ZNF148: variants seen among roughly 807,000 people sequenced by gnomAD.
The protein encoded by ZNF148 is Beta-Enolase Repressor Factor-1.
ZNF148 carries 7 observed loss-of-function variants against 67.7 expected under a neutral mutation model. The observed-to-expected ratio is 0.10, with a 90% CI of 0.06 to 0.19. The LOEUF (loss-of-function observed/expected upper bound fraction) is 0.19, where lower values mean the gene tolerates loss of function less well. Ranked by LOEUF, ZNF148 falls within the 10% of genes least tolerant of loss-of-function variation. The probability of loss-of-function intolerance (pLI) is 1.00; values close to 1 mark genes in which losing one functional copy is unlikely to be tolerated. For synonymous variants in ZNF148, 333 were observed against 330.7 expected (o/e 1.01, Z -0.08); for missense variants, 583 against 947.1 (o/e 0.62, Z 5.05).
chr3:125,299,926 T>C (rs1939498988), intron 4 of ZNF148, among the ~76,000 whole-genome samples: 1 of 152,222 alleles, frequency 6.6e-6, no homozygotes, highest in Admixed American at 6.5e-5. Flanking sequence ...CTTGTGAAAA[T>C]GATATTCAAA....
intron 2 of ZNF148, among the ~76,000 whole-genome samples, chr3:125,330,573 A>C (rs532373341): frequency 6.6e-6 from 1 of 152,122 alleles, no homozygotes; most frequent in African/African-American, 2.4e-5. Flanking sequence ...CACACCTGTA[A>C]TCCTAGCACT....
In ZNF148 at chr3:125,326,129, C is replaced by T. The variant is rs528925259; in HGVS notation, c.-152-2685G>A. 3.3e-5 allele frequency among the ~76,000 whole-genome samples: 5 copies of T among 152,152 alleles called. No individual in the cohort carries two copies. The East Asian group carries it at 9.6e-4, about 29-fold the overall frequency. ...AAAATTTTTTTTGCTAGTAGACCTGCCTTAAACAAACACTAAAGGAAGCCC... is the reference window on the plus strand; with the variant it reads ...AAAATTTTTTTTGCTAGTAGACCTGTCTTAAACAAACACTAAAGGAAGCCC... On this transcript the variant is annotated intron_variant, in intron 2 of 8. Transcript: ENST00000360647.
intron 2 of ZNF148, among the ~76,000 whole-genome samples, chr3:125,325,311 T>C (rs1308371786): frequency 2.0e-5 from 3 of 151,442 alleles, no homozygotes; most frequent in African/African-American, 4.9e-5. Context: ...CCATCCACTC[T>C]GAAAAACAGA....
At chr3:125,237,971 A>G (rs1638484291) in intron 7 of ZNF148, among the ~76,000 whole-genome samples, 1 of 152,218 alleles carries the variant, frequency 6.6e-6, no homozygotes. Context: ...TCAGAGTCCA[A>G]AAGTAAATCC....
intron 7 of ZNF148, among the ~76,000 whole-genome samples, chr3:125,272,261 G>A (rs1937786291): frequency 6.6e-6 from 1 of 152,218 alleles, no homozygotes; most frequent in Non-Finnish European, 1.5e-5. Flanking sequence ...TCATCAAATT[G>A]TGAGTCACAT....
At chr3:125,241,142 A>C (rs1198301673) in intron 7 of ZNF148, among the ~76,000 whole-genome samples, 4 of 151,996 alleles carry the variant, frequency 2.6e-5, no homozygotes, top group Admixed American at 6.6e-5. Flanking sequence ...TTTGCCACTT[A>C]AGGATCCCTA....
At chr3:125,367,515 A>C (rs1214314016) in intron 1 of ZNF148, among the ~76,000 whole-genome samples, 1 of 152,224 alleles carries the variant, frequency 6.6e-6, no homozygotes, top group Non-Finnish European at 1.5e-5. Context: ...TTGCTAGTGC[A>C]TATAGTTTGG....
chr3:125,347,780 T>G lies in ZNF148; in HGVS notation c.-233-16542A>C, dbSNP rs1579867252. Among the ~76,000 whole-genome samples, 3 of 152,142 alleles carry G rather than the reference T, an allele frequency of 2.0e-5. No individual in the cohort carries two copies. In the East Asian group the frequency reaches 5.8e-4, roughly 29 times the overall value. On this transcript the variant is annotated intron_variant, in intron 1 of 8. Transcript: ENST00000360647. ...TCCTGGGCTCAAAGATCCTCCTATC[T>G]CAGCCTCCCAAACAGCTGAGACTAC...
chr3:125,289,297 C>T (rs773228802), intron 4 of ZNF148, among the ~76,000 whole-genome samples: 1 of 152,028 alleles, frequency 6.6e-6, no homozygotes, highest in Non-Finnish European at 1.5e-5. Flanking sequence ...AAGAGGTTCA[C>T]GAGAAAAAAT....
At chr3:125,345,569 C>T (rs762968659) in intron 1 of ZNF148, among the ~76,000 whole-genome samples, 17 of 127,744 alleles carry the variant, frequency 1.3e-4, no homozygotes, top group Non-Finnish European at 2.8e-4. Context: ...ATTTGTAAGC[C>T]TCTATCAAAA....
chr3:125,268,391 C>A (rs1343424847), intron 7 of ZNF148, among the ~76,000 whole-genome samples: 1 of 151,584 alleles, frequency 6.6e-6, no homozygotes, highest in African/African-American at 2.4e-5. Context: ...AATAGAGAAC[C>A]CAGAAAAAAA....
At chr3:125,272,502 C>T (rs1937802675) in intron 7 of ZNF148, among the ~76,000 whole-genome samples, 1 of 152,098 alleles carries the variant, frequency 6.6e-6, no homozygotes, top group Non-Finnish European at 1.5e-5. Context: ...CTCTGATTTG[C>T]CATATTTCTG....
chr3:125,236,257 C>T (rs1211055583), intron 7 of ZNF148, among the ~76,000 whole-genome samples: 1 of 152,094 alleles, frequency 6.6e-6, no homozygotes, highest in Non-Finnish European at 1.5e-5. Context: ...GATGGGATCT[C>T]ACTATGTTGC....
chr3:125,317,662 T>TATATATATATATAGAGAGAGAG (rs752542874), intron 3 of ZNF148, among the ~76,000 whole-genome samples: 6 of 90,022 alleles, frequency 6.7e-5, no homozygotes, highest in South Asian at 3.8e-4. Flanking sequence ...TATATATATA[T>TATATATATATATAGAGAGAGAG]AGAGAGAGAG....
chr3:125,369,172 G>C (rs1942791915), intron 1 of ZNF148, among the ~76,000 whole-genome samples: 2 of 133,816 alleles, frequency 1.5e-5, no homozygotes, highest in African/African-American at 5.8e-5. Context: ...TGAGGCACGA[G>C]AATCAGTTGA....
At chr3:125,313,025 C>G (rs981717137) in intron 4 of ZNF148, among the ~76,000 whole-genome samples, 3 of 151,974 alleles carry the variant, frequency 2.0e-5, no homozygotes, top group Non-Finnish European at 4.4e-5. Context: ...AAGGAGAAAC[C>G]TAGAAGTTAG....
intron 1 of ZNF148, among the ~76,000 whole-genome samples, chr3:125,342,158 A>C (rs1012573430): frequency 6.6e-5 from 10 of 151,898 alleles, no homozygotes; most frequent in African/African-American, 2.4e-4. Flanking sequence ...CATTCACACC[A>C]TCAAAGTTTC....
At chr3:125,299,972 T>TTTG (rs1408598231) in intron 4 of ZNF148, among the ~76,000 whole-genome samples, 2 of 152,124 alleles carry the variant, frequency 1.3e-5, no homozygotes, top group Admixed American at 1.3e-4. Context: ...GAATGTTTGT[T>TTTG]TTGTTGTTGT....
chr3:125,317,662 T>TAGAGAGAGAGAGAGAGAGAG (rs1553708261), intron 3 of ZNF148, among the ~76,000 whole-genome samples: 2,496 of 89,822 alleles, frequency 0.028, 65 homozygotes, highest in East Asian at 0.032. Context: ...TATATATATA[T>TAGAGAGAGAGAGAGAGAGAG]AGAGAGAGAG....
Sources: allele counts gnomAD v4.1 joint callset (sites outside exome capture counted in the v4.1 genomes callset), GRCh38; gene constraint gnomAD v4.1.1; transcripts MANE v1.5; gene names NCBI Gene and HGNC (gene_info 2026-07-23, HGNC 2026-07-21).